The following METAP1D variants were observed in gnomAD, a reference collection of about 807,000 sequenced individuals.
The protein encoded by METAP1D is methionyl aminopeptidase type 1D, mitochondrial, also known as methionine aminopeptidase 1D, mitochondrial.
Under a neutral mutation model 40.5 loss-of-function variants are expected in METAP1D, and 31 were observed. The observed-to-expected ratio is 0.77, with a 90% confidence interval of 0.58 to 1.03. The LOEUF is 1.03. Ranked by LOEUF, METAP1D falls within the 50% of genes least tolerant of loss-of-function variation. METAP1D has a pLI of 0.00. For synonymous variants in METAP1D, 151 were observed against 146.4 expected, an observed-to-expected ratio of 1.03 and a Z score of -0.22; for missense variants, 411 against 420.7, an observed-to-expected ratio of 0.98 and a Z score of 0.20.
At chr2:172,060,543 G>A (rs1690117458) in intron 1 of METAP1D, among the ~76,000 whole-genome samples, 1 of 151,700 alleles carries the variant, frequency 6.6e-6, no homozygotes, top group Non-Finnish European at 1.5e-5. Flanking sequence ...TTATATAAAT[G>A]TATAAGCTCC....
chr2:172,061,981 G>A (rs945698243), intron 2 of METAP1D: 2 of 165,376 alleles, frequency 1.2e-5, no homozygotes, highest in Non-Finnish European at 2.6e-5. Context: ...AAAAAAAATT[G>A]ACTATAAAAT....
chr2:172,049,461 A>G (rs1689840666), intron 1 of METAP1D, among the ~76,000 whole-genome samples: 1 of 151,756 alleles, frequency 6.6e-6, no homozygotes. Flanking sequence ...ACACATATAT[A>G]TGGGCCAAAT....
chr2:172,045,815 GTGTGTATATATATATATATATA>G lies in METAP1D; in HGVS notation c.41-15681_41-15660del, dbSNP rs1353881189. On this transcript the variant is annotated intron_variant, in intron 1 of 9. Transcript: ENST00000315796. The stretch of plus-strand genomic sequence containing the variant: ...TGTATATATGTGTGTGTGTGTGTGT[GTGTGTATATATATATATATATA>G]TATATATATATATATATATATATAT... Among the ~76,000 whole-genome samples, 46 of 24,276 alleles carry G rather than the reference GTGTGTATATATATATATATATA, an allele frequency of 1.9e-3. No homozygotes were observed. In the East Asian group the frequency reaches 0.062, roughly 33 times the overall value. The allele number at this position is 24,276 out of a possible 152,430, so 15.9% of individuals were successfully genotyped here. A position where few individuals can be genotyped will look rare whatever the true frequency, so the allele number is the denominator to read the frequency against.
chr2:172,016,300 A>AAAT (rs1553490378), intron 1 of METAP1D, among the ~76,000 whole-genome samples: 30 of 40,052 alleles, frequency 7.5e-4, no homozygotes, highest in South Asian at 1.5e-3. Context: ...AAAAAAAAAA[A>AAAT]ATATATATAT....
intron 1 of METAP1D, among the ~76,000 whole-genome samples, chr2:172,057,935 C>CTTTT (rs34383352): frequency 6.9e-6 from 1 of 144,606 alleles, no homozygotes; most frequent in African/African-American, 2.5e-5. Flanking sequence ...TTTGTGCAGA[C>CTTTT]TTTTTTTTTT....
chr2:172,033,907 C>T (rs1280533051), intron 1 of METAP1D, among the ~76,000 whole-genome samples: 1 of 151,720 alleles, frequency 6.6e-6, no homozygotes, highest in African/African-American at 2.4e-5. Context: ...GAAACCCTGT[C>T]TCAACTAAAA....
chr2:172,080,177 A>T lies in METAP1D; in HGVS notation c.900A>T (p.Ala300=). 6.2e-7 allele frequency: 1 copy of T among 1,614,236 alleles called. No homozygotes were observed. The highest frequency in any genetic ancestry group is 2.2e-5 in the East Asian group (1 of 44,890). ...CTGAATTTAAAGTCCTGGAGGATGC[A>T]TGGACTGTGGTCTCCCTAGACAATC... The part of the protein sequence containing the change: ...GSPEFKVLED[A]WTVVSLDNQR... The change falls in exon 9 of 10, where the codon GCA becomes GCT. Residue 300 remains alanine, a synonymous_variant. Transcript: ENST00000315796.
At chr2:172,065,478 G>A (rs1690250370) in intron 3 of METAP1D, 126 bp from the exon 4 acceptor site, 2 of 927,206 alleles carry the variant, frequency 2.2e-6, no homozygotes, top group African/African-American at 1.7e-5. Flanking sequence ...TTCAAATGTT[G>A]TACCATAACT....
intron 1 of METAP1D, among the ~76,000 whole-genome samples, chr2:172,038,896 G>A (rs961819099): frequency 5.9e-5 from 9 of 152,316 alleles, no homozygotes; most frequent in Non-Finnish European, 1.0e-4. Context: ...AATATTGCCA[G>A]TGTTTCAGAT....
chr2:172,054,796 A>G (rs1689965835), intron 1 of METAP1D, among the ~76,000 whole-genome samples: 1 of 152,236 alleles, frequency 6.6e-6, no homozygotes, highest in South Asian at 2.1e-4. Flanking sequence ...CATGGAGTGC[A>G]GGAAGAAGTT....
At chr2:172,054,314 G>A (rs1252315202) in intron 1 of METAP1D, among the ~76,000 whole-genome samples, 2 of 152,128 alleles carry the variant, frequency 1.3e-5, no homozygotes, top group Non-Finnish European at 2.9e-5. Flanking sequence ...GAGGTCAGGA[G>A]ATCGAGACCA....
rs563702925 is a variant in METAP1D, at chr2:172,059,197, C to T, written c.41-2301C>T. ...GATCTTGGCTCACTGCACCCTCTGC[C>T]TTCCGGGTTCGAGTAGTTCTCCTGC... On this transcript the variant is annotated intron_variant, in intron 1 of 9. Transcript: ENST00000315796. Among the ~76,000 whole-genome samples, 9 of 151,948 alleles carry T rather than the reference C, an allele frequency of 5.9e-5. No individual in the cohort carries two copies. In the East Asian group the frequency reaches 1.2e-3, roughly 20 times the overall value.
In METAP1D at chr2:172,066,321, T is replaced by G. The variant is rs767690441; in HGVS notation, c.540+15T>G. On this transcript the variant is annotated intron_variant, in intron 5 of 9. Coordinates refer to ENST00000315796, the MANE Select transcript of METAP1D (RefSeq NM_199227.3). ...TTGATGTCACAGTGAGTAAATCATA[T>G]AAAAAATTGTCTTTGATCAACTTCA... 5 of 1,604,362 alleles carry G rather than the reference T, an allele frequency of 3.1e-6. No homozygotes were observed. The highest frequency in any genetic ancestry group is 8.5e-7 in the Non-Finnish European group (1 of 1,174,594).
intron 7 of METAP1D, 124 bp from the exon 8 acceptor site, chr2:172,079,091 C>T: frequency 1.1e-6 from 1 of 924,988 alleles, no homozygotes; most frequent in Non-Finnish European, 1.7e-6. Context: ...CTCCACCCTT[C>T]CTTCTCTAAA....
chr2:172,073,430 T>C (rs1005080173), intron 6 of METAP1D, among the ~76,000 whole-genome samples: 2 of 152,106 alleles, frequency 1.3e-5, no homozygotes, highest in African/African-American at 2.4e-5. Flanking sequence ...AAAGTGACAT[T>C]GGATTTTAGC....
At chr2:172,057,111 G>T (rs1487143147) in intron 1 of METAP1D, among the ~76,000 whole-genome samples, 4 of 152,146 alleles carry the variant, frequency 2.6e-5, no homozygotes, top group Admixed American at 2.6e-4. Context: ...GGATTTACAG[G>T]ATTAAGCTTG....
rs138869820 is a variant in METAP1D, at chr2:172,066,280, G to A, written c.514G>A (p.Gly172Arg). Residue 172 changes from glycine (G) to arginine (R), a missense_variant, in exon 5 of 10, where the codon GGA becomes AGA. Coordinates refer to ENST00000315796, the MANE Select transcript of METAP1D (RefSeq NM_199227.3). ...GIPDSRPLQD[G>R]DIINIDVTVY... is the part of the protein sequence containing the mutation. The stretch of plus-strand genomic sequence containing the variant: ...ACGTTTTAGTCGACCTCTTCAGGAT[G>A]GAGATATTATCAACATTGATGTCAC... 1.1e-3 allele frequency: 1,802 copies of A among 1,611,350 alleles called. 3 individuals are homozygous for A. The highest frequency in any genetic ancestry group is 1.4e-3 in the Non-Finnish European group (1,628 of 1,179,108).
intron 1 of METAP1D, among the ~76,000 whole-genome samples, chr2:172,030,913 T>C (rs1251781903): frequency 6.6e-6 from 1 of 152,192 alleles, no homozygotes; most frequent in Non-Finnish European, 1.5e-5. Context: ...GAAATTACTT[T>C]TCAGAAGTAA....
chr2:172,018,062 G>A (rs574698990), intron 1 of METAP1D, among the ~76,000 whole-genome samples: 6 of 148,304 alleles, frequency 4.0e-5, no homozygotes, highest in African/African-American at 1.2e-4. Flanking sequence ...GGGAGCAGGA[G>A]GTTGTAGTGA....
Sources: gnomAD v4.1 joint callset for allele counts (sites outside exome capture counted in the v4.1 genomes callset) on GRCh38, gnomAD v4.1.1 for gene constraint, MANE v1.5 for transcripts, NCBI Gene and HGNC (gene_info 2026-07-23, HGNC 2026-07-21) for gene names.